The following DGLUCY variants were observed in gnomAD, a reference collection of about 807,000 sequenced individuals.
DGLUCY encodes the protein D-glutamate cyclase, also known as D-glutamate cyclase, mitochondrial.
In DGLUCY, 58 loss-of-function variants were observed where a neutral mutation model predicts 58.5. The observed-to-expected ratio is 0.99, with a 90% CI of 0.80 to 1.23. The LOEUF (loss-of-function observed/expected upper bound fraction) is 1.23, where lower values mean the gene tolerates loss of function less well. DGLUCY is among the 50% of genes most tolerant of loss of function. The pLI, the probability that DGLUCY is intolerant of heterozygous loss-of-function variation, is 0.00. For missense variants in DGLUCY, 779 were observed against 784.7 expected, an observed-to-expected ratio of 0.99 and a Z score of 0.09; for synonymous variants, 325 against 314.1, an observed-to-expected ratio of 1.03 and a Z score of -0.37.
chr14:91,082,198 G>C (rs930754916), intron 1 of DGLUCY, among the ~76,000 whole-genome samples: 32 of 151,900 alleles, frequency 2.1e-4, no homozygotes, highest in African/African-American at 7.8e-4. Flanking sequence ...CATGTAGAGG[G>C]TATTTGTCAG....
chr14:91,151,413 T>A (rs2140302406), intron 1 of DGLUCY, among the ~76,000 whole-genome samples: 1 of 152,064 alleles, frequency 6.6e-6, no homozygotes, highest in East Asian at 1.9e-4. Flanking sequence ...CTAATTTTTT[T>A]TTATTATTTA....
intron 5 of DGLUCY, among the ~76,000 whole-genome samples, chr14:91,171,772 A>G (rs2048586129): frequency 6.6e-6 from 1 of 152,224 alleles, no homozygotes; most frequent in Non-Finnish European, 1.5e-5. Flanking sequence ...AAACACCAAT[A>G]AAAGTCACAC....
At chr14:91,173,215 G>A (rs946875263) in intron 5 of DGLUCY, 74 bp from the exon 6 acceptor site, 5 of 1,536,536 alleles carry the variant, frequency 3.3e-6, no homozygotes, top group East Asian at 2.3e-5. Flanking sequence ...TTGAACTCTT[G>A]GTGCTCAGAG....
At chr14:91,075,728 G>A (rs1226500760) in intron 1 of DGLUCY, among the ~76,000 whole-genome samples, 1 of 150,368 alleles carries the variant, frequency 6.7e-6, no homozygotes, top group African/African-American at 2.4e-5. Context: ...CACCAAAGAA[G>A]CAATCAGCAC....
At position 91,181,252 on chromosome 14, in the gene DGLUCY, C is replaced by T. The variant is rs748865977; in HGVS notation, c.797C>T (p.Ala266Val). 2.4e-5 allele frequency: 39 copies of T among 1,614,058 alleles called. No individual in the cohort carries two copies. The highest frequency in any genetic ancestry group is 1.1e-4 in the East Asian group (5 of 44,890). ...TVMTDLKDAK[A>V]PPGCLTPERI... ...ATGACTGACCTGAAGGATGCAAAGG[C>T]TCCACCTGGTTGTCTCACCCCAGAG... Residue 266 changes from alanine (A) to valine (V), a missense_variant, in exon 8 of 14, where the codon GCT (alanine) becomes GTT (valine). Ala to Val is a moderately conservative substitution (Grantham distance 64). Coordinates refer to ENST00000256324, the MANE Select transcript of DGLUCY (RefSeq NM_001102368.3).
At chr14:91,168,605 T>C (rs2048407367) in intron 4 of DGLUCY, among the ~76,000 whole-genome samples, 1 of 152,194 alleles carries the variant, frequency 6.6e-6, no homozygotes, top group Non-Finnish European at 1.5e-5. Flanking sequence ...GGGTATGCCT[T>C]CTTCCTTGCC....
intron 9 of DGLUCY, among the ~76,000 whole-genome samples, chr14:91,190,882 C>T (rs2049842778): frequency 6.6e-6 from 1 of 151,944 alleles, no homozygotes; most frequent in Non-Finnish European, 1.5e-5. Flanking sequence ...CACTGGGGTG[C>T]AGAGACAAGG....
chr14:91,181,095 G>A (rs1204850563), intron 7 of DGLUCY, 91 bp from the exon 8 acceptor site: 1 of 1,232,144 alleles, frequency 8.1e-7, no homozygotes. Flanking sequence ...TGATGGCCAG[G>A]TGCCATCTTG....
At chr14:91,160,960 AC>A (rs775436014) in intron 3 of DGLUCY, among the ~76,000 whole-genome samples, 1 of 152,246 alleles carries the variant, frequency 6.6e-6, no homozygotes, top group South Asian at 2.1e-4. Context: ...AACCATCAGC[AC>A]CATCTAAAGT....
upstream of DGLUCY, among the ~76,000 whole-genome samples, chr14:91,111,291 T>TATA (rs1491538135): frequency 1.9e-5 from 1 of 52,194 alleles, no homozygotes; most frequent in Non-Finnish European, 5.3e-5. Flanking sequence ...TATATATATA[T>TATA]TTTTTTTTGA....
chr14:91,200,875 T>C (rs2050509628), intron 11 of DGLUCY, among the ~76,000 whole-genome samples: 1 of 152,126 alleles, frequency 6.6e-6, no homozygotes, highest in African/African-American at 2.4e-5. Context: ...TATCATTAGT[T>C]CTTATAGGTT....
At chr14:91,130,460 G>A (rs149918169) in intron 1 of DGLUCY, among the ~76,000 whole-genome samples, 28,034 of 151,336 alleles carry the variant, frequency 0.19, 2,763 homozygotes, top group African/African-American at 0.24. Flanking sequence ...GGCACAAGCC[G>A]CCATGCCCAG....
chr14:91,149,247 CAA>C (rs530717496), intron 1 of DGLUCY, among the ~76,000 whole-genome samples: 15 of 113,818 alleles, frequency 1.3e-4, no homozygotes, highest in African/African-American at 9.6e-5. Flanking sequence ...AACTCTATCT[CAA>C]AAAAAAAAAA....
At chr14:91,178,768 C>A (rs543269796) in intron 7 of DGLUCY, among the ~76,000 whole-genome samples, 1 of 152,306 alleles carries the variant, frequency 6.6e-6, no homozygotes, top group Non-Finnish European at 1.5e-5. Context: ...TGGTGGCTTA[C>A]GCCTGTAATC....
At chr14:91,121,652 A>T (rs1392516093) in intron 1 of DGLUCY, among the ~76,000 whole-genome samples, 2 of 144,894 alleles carry the variant, frequency 1.4e-5, no homozygotes, top group Admixed American at 6.9e-5. Flanking sequence ...TAATAATAAT[A>T]ATTTCAAGAA....
intron 8 of DGLUCY, among the ~76,000 whole-genome samples, chr14:91,187,233 C>T (rs1384033686): frequency 2.0e-5 from 3 of 152,018 alleles, no homozygotes; most frequent in African/African-American, 7.3e-5. Flanking sequence ...CTCCTGACCT[C>T]GTGATCCACC....
At chr14:91,128,873 G>T (rs2045873754) in intron 1 of DGLUCY, 1 of 151,924 alleles carries the variant, frequency 6.6e-6, no homozygotes, top group Non-Finnish European at 1.5e-5. Flanking sequence ...AAATACCCTG[G>T]TTAGTTGGCC....
At chr14:91,134,483 G>A (rs571063518) in intron 1 of DGLUCY, among the ~76,000 whole-genome samples, 2 of 151,630 alleles carry the variant, frequency 1.3e-5, no homozygotes, top group East Asian at 3.9e-4. Context: ...TGTCACCCAG[G>A]CTGGAGTGCA....
At chr14:91,198,308 T>C (rs2050340553) in intron 10 of DGLUCY, among the ~76,000 whole-genome samples, 1 of 150,440 alleles carries the variant, frequency 6.6e-6, no homozygotes, top group African/African-American at 2.5e-5. Context: ...CCTCCTGAAG[T>C]GCTGAGATTG....
Sources: gnomAD v4.1 joint callset for allele counts (sites outside exome capture counted in the v4.1 genomes callset) on GRCh38, gnomAD v4.1.1 for gene constraint, MANE v1.5 for transcripts, NCBI Gene and HGNC (gene_info 2026-07-23, HGNC 2026-07-21) for gene names.